ARHGAP26: variants seen among roughly 807,000 people sequenced by gnomAD.
The protein encoded by ARHGAP26 is Rho GTPase activating protein 26.
A neutral mutation model predicts 104.8 loss-of-function variants in ARHGAP26; 38 were observed. The observed-to-expected ratio is 0.36, with a 90% CI of 0.28 to 0.48. The LOEUF (loss-of-function observed/expected upper bound fraction) is 0.48. Ranked by LOEUF, ARHGAP26 falls within the 20% of genes least tolerant of loss-of-function variation. ARHGAP26 has a pLI of 0.99. For missense variants in ARHGAP26, 704 were observed against 947.9 expected (o/e 0.74, Z 3.38); for synonymous variants, 341 against 340.0 (o/e 1.00, Z -0.03).
intron 7 of ARHGAP26, among the ~76,000 whole-genome samples, chr5:142,902,965 C>T (rs1426667131): frequency 6.6e-6 from 1 of 152,192 alleles, no homozygotes; most frequent in African/African-American, 2.4e-5. Flanking sequence ...GCAGAGGTCT[C>T]AGTGCAGGGG....
chr5:143,201,827 G>A (rs1399589396), intron 20 of ARHGAP26, among the ~76,000 whole-genome samples: 1 of 152,176 alleles, frequency 6.6e-6, no homozygotes, highest in African/African-American at 2.4e-5. Context: ...TAGTATTGTT[G>A]ATAGGATTAT....
At chr5:142,977,220 A>G (rs1036215546) in intron 11 of ARHGAP26, among the ~76,000 whole-genome samples, 2 of 152,224 alleles carry the variant, frequency 1.3e-5, no homozygotes, top group African/African-American at 4.8e-5. Flanking sequence ...GGCTCATACA[A>G]GACAAGTTTC....
intron 1 of ARHGAP26, among the ~76,000 whole-genome samples, chr5:142,834,828 A>G (rs756929070): frequency 8.5e-5 from 13 of 152,248 alleles, no homozygotes; most frequent in African/African-American, 2.9e-4. Flanking sequence ...ACTGCCTCCA[A>G]CTCTGAATGG....
intron 8 of ARHGAP26, chr5:142,907,490 C>T: frequency 3.3e-6 from 1 of 300,318 alleles, no homozygotes; most frequent in Non-Finnish European, 6.4e-6. Flanking sequence ...CTTCTTTGGT[C>T]CCTGGGGGAA....
chr5:143,175,614 C>T (rs1026381938), intron 20 of ARHGAP26, among the ~76,000 whole-genome samples: 3 of 151,828 alleles, frequency 2.0e-5, no homozygotes, highest in African/African-American at 7.3e-5. Flanking sequence ...TCAGTTGGTA[C>T]AGACTTCAAC....
At chr5:142,977,082 C>T (rs1302382119) in intron 11 of ARHGAP26, among the ~76,000 whole-genome samples, 1 of 152,154 alleles carries the variant, frequency 6.6e-6, no homozygotes, top group Admixed American at 6.6e-5. Context: ...TTAGCTCCGC[C>T]CAACCACACA....
intron 1 of ARHGAP26, among the ~76,000 whole-genome samples, chr5:142,813,266 C>A (rs1217242320): frequency 1.3e-5 from 2 of 152,170 alleles, no homozygotes; most frequent in Non-Finnish European, 2.9e-5. Flanking sequence ...AAAATTCTAC[C>A]TATCCTCTCT....
chr5:143,193,240 C>CTTTTT (rs57462040), intron 20 of ARHGAP26, among the ~76,000 whole-genome samples: 1,872 of 74,470 alleles, frequency 0.025, 1 homozygote, highest in Non-Finnish European at 0.033. Flanking sequence ...ATTTTCTTTT[C>CTTTTT]TTTTTTTTTT....
intron 1 of ARHGAP26, among the ~76,000 whole-genome samples, chr5:142,789,733 G>A (rs879203671): frequency 5.9e-5 from 9 of 152,116 alleles, no homozygotes; most frequent in Admixed American, 5.9e-4. Context: ...ACACACTCCT[G>A]CCACTTAGCA....
intron 17 of ARHGAP26, among the ~76,000 whole-genome samples, chr5:143,068,323 C>G (rs1166773210): frequency 1.3e-5 from 2 of 152,200 alleles, no homozygotes; most frequent in Admixed American, 1.3e-4. Flanking sequence ...GCCATTTCTT[C>G]TCTTCTAGAT....
intron 11 of ARHGAP26, among the ~76,000 whole-genome samples, chr5:142,945,164 CAAG>C: frequency 6.6e-6 from 1 of 152,324 alleles, no homozygotes; most frequent in South Asian, 2.1e-4. Context: ...CATCCCATCT[CAAG>C]GAGCCACAGG....
intron 19 of ARHGAP26, among the ~76,000 whole-genome samples, chr5:143,135,131 G>GA (rs1314010385): frequency 6.6e-6 from 1 of 152,244 alleles, no homozygotes; most frequent in African/African-American, 2.4e-5. Context: ...CATTGAGAGA[G>GA]GTAGCAGAAC....
intron 17 of ARHGAP26, among the ~76,000 whole-genome samples, chr5:143,093,754 C>G (rs1361068118): frequency 1.3e-5 from 2 of 152,150 alleles, no homozygotes; most frequent in Non-Finnish European, 2.9e-5. Flanking sequence ...TCCCCTTCCC[C>G]TAGGGGAGGG....
chr5:142,784,337 C>G (rs1006681797), intron 1 of ARHGAP26, among the ~76,000 whole-genome samples: 1 of 152,182 alleles, frequency 6.6e-6, no homozygotes, highest in African/African-American at 2.4e-5. Context: ...TCATCTCCCC[C>G]ACCTCTCCTG....
At chr5:143,140,702 A>G (rs993461000) in intron 19 of ARHGAP26, among the ~76,000 whole-genome samples, 1 of 151,980 alleles carries the variant, frequency 6.6e-6, no homozygotes, top group Admixed American at 6.6e-5. Context: ...GCTTGAGTGC[A>G]AAAACATCAG....
chr5:142,910,457 G>A (rs915685463), intron 9 of ARHGAP26, among the ~76,000 whole-genome samples: 16 of 152,232 alleles, frequency 1.1e-4, no homozygotes, highest in African/African-American at 3.9e-4. Context: ...TAGAGACCGA[G>A]GCCGGATGTG....
At chr5:142,948,347 G>A (rs1767484177) in intron 11 of ARHGAP26, among the ~76,000 whole-genome samples, 1 of 151,934 alleles carries the variant, frequency 6.6e-6, no homozygotes, top group Non-Finnish European at 1.5e-5. Context: ...ATGAATATGT[G>A]TGCATATGTG....
At chr5:143,166,589 G>A (rs1801980103) in intron 20 of ARHGAP26, among the ~76,000 whole-genome samples, 1 of 152,090 alleles carries the variant, frequency 6.6e-6, no homozygotes, top group Non-Finnish European at 1.5e-5. Context: ...GCTTTGGATT[G>A]CCATGACCCC....
intron 2 of ARHGAP26, 35 bp downstream of exon 2, chr5:142,873,530 A>G (rs779692526): frequency 1.2e-5 from 17 of 1,398,200 alleles, no homozygotes; most frequent in Non-Finnish European, 1.6e-5. Context: ...AAAAATGTTC[A>G]TTGTTTGTCA....
Sources: gnomAD v4.1 joint callset for allele counts (sites outside exome capture counted in the v4.1 genomes callset) on GRCh38, gnomAD v4.1.1 for gene constraint, MANE v1.5 for transcripts, NCBI Gene and HGNC (gene_info 2026-07-23, HGNC 2026-07-21) for gene names.